Variants in DYM observed in about 807,000 individuals in gnomAD.
DYM encodes the protein dymeclin, also known as dyggve-Melchior-Clausen syndrome protein.
A neutral mutation model predicts 93.1 loss-of-function variants in DYM; 78 were observed. That is an observed-to-expected ratio of 0.84 (90% CI 0.70 to 1.01). The LOEUF is 1.01. Among genes scored for constraint, DYM ranks in the 50% least tolerant of loss-of-function variants. The pLI is 0.00. For missense variants in DYM, 789 were observed against 845.0 expected, an observed-to-expected ratio of 0.93 and a Z score of 0.82; for synonymous variants, 321 against 319.7, an observed-to-expected ratio of 1.00 and a Z score of -0.04.
intron 16 of DYM, among the ~76,000 whole-genome samples, chr18:49,108,545 C>T (rs1362996196): frequency 6.6e-6 from 1 of 152,202 alleles, no homozygotes; most frequent in Non-Finnish European, 1.5e-5. Flanking sequence ...GCCATCTTGG[C>T]TCTTCTTACT....
intron 2 of DYM, among the ~76,000 whole-genome samples, chr18:49,414,110 G>A (rs1950226339): frequency 6.6e-6 from 1 of 151,960 alleles, no homozygotes; most frequent in South Asian, 2.1e-4. Flanking sequence ...ACAATACCCA[G>A]AGTAGTCAAA....
chr18:49,165,078 A>G (rs2087697686), intron 14 of DYM, among the ~76,000 whole-genome samples: 1 of 152,188 alleles, frequency 6.6e-6, no homozygotes, highest in Non-Finnish European at 1.5e-5. Context: ...AAGGATACAA[A>G]AAAGACATAC....
At chr18:49,437,395 AT>A (rs1241223644) in intron 1 of DYM, among the ~76,000 whole-genome samples, 1 of 152,144 alleles carries the variant, frequency 6.6e-6, no homozygotes, top group African/African-American at 2.4e-5. Flanking sequence ...CCATTTTATA[AT>A]TTCTCAAATA....
chr18:49,316,818 C>G (rs1212369143), intron 8 of DYM, among the ~76,000 whole-genome samples: 1 of 152,100 alleles, frequency 6.6e-6, no homozygotes, highest in East Asian at 1.9e-4. Flanking sequence ...ACAGTATAGA[C>G]AGCCTCTTCA....
At chr18:49,383,347 C>T (rs188969798) in intron 3 of DYM, among the ~76,000 whole-genome samples, 5 of 152,072 alleles carry the variant, frequency 3.3e-5, no homozygotes, top group African/African-American at 9.6e-5. Flanking sequence ...CAGCAGCATA[C>T]GGTGGAGGGA....
chr18:49,160,194 C>T lies in DYM; in HGVS notation c.1728+3491G>A, dbSNP rs575309103. On this transcript the variant is annotated intron_variant, in intron 15 of 17. Transcript: ENST00000675505. ...CTGCCCCTGTAGTGGCATTCTCTCC[C>T]CCCACAGGCTTGAGTACAATTTTTG... Among the ~76,000 whole-genome samples the T allele has an allele frequency of 2.6e-5, 4 of 152,260 alleles. No individual in the cohort carries two copies. The South Asian group carries it at 8.3e-4, about 32-fold the overall frequency.
intron 1 of DYM, among the ~76,000 whole-genome samples, chr18:49,451,300 A>G (rs1364728486): frequency 6.6e-6 from 1 of 152,202 alleles, no homozygotes; most frequent in Non-Finnish European, 1.5e-5. Context: ...TTCTTTTTCA[A>G]CAGGACACAA....
At chr18:49,047,644 C>T (rs746344779) in intron 17 of DYM, among the ~76,000 whole-genome samples, 77 of 152,342 alleles carry the variant, frequency 5.1e-4, no homozygotes, top group Non-Finnish European at 8.1e-4. Flanking sequence ...TGTTCCCTAA[C>T]TGCTGGTGGG....
intron 17 of DYM, among the ~76,000 whole-genome samples, chr18:49,046,546 A>AACACACACAG (rs113396005): frequency 0.035 from 5,232 of 151,638 alleles, 262 homozygotes; most frequent in African/African-American, 0.11. Context: ...ACACAGACAC[A>AACACACACAG]ACACACACAG....
At chr18:49,298,251 C>T (rs1365431735) in intron 8 of DYM, among the ~76,000 whole-genome samples, 3 of 152,250 alleles carry the variant, frequency 2.0e-5, no homozygotes, top group East Asian at 1.9e-4. Context: ...ACTCATAGCA[C>T]AGTAAAACTT....
chr18:49,233,997 C>T (rs1268555848), intron 13 of DYM, among the ~76,000 whole-genome samples: 11 of 151,926 alleles, frequency 7.2e-5, no homozygotes, highest in African/African-American at 1.9e-4. Flanking sequence ...GGCATGGTAG[C>T]GGGCGCCTGT....
At chr18:49,385,064 A>G (rs1005015594) in intron 3 of DYM, among the ~76,000 whole-genome samples, 1 of 152,000 alleles carries the variant, frequency 6.6e-6, no homozygotes, top group African/African-American at 2.4e-5. Context: ...AGTCTCATGA[A>G]CAAAAAGAAA....
At chr18:49,405,055 T>G (rs2071318890) in intron 2 of DYM, among the ~76,000 whole-genome samples, 1 of 151,820 alleles carries the variant, frequency 6.6e-6, no homozygotes, top group Non-Finnish European at 1.5e-5. Flanking sequence ...AAAAGAAAAT[T>G]GTCCATTCAT....
intron 11 of DYM, among the ~76,000 whole-genome samples, chr18:49,264,785 G>T (rs191900196): frequency 6.6e-6 from 1 of 152,172 alleles, no homozygotes; most frequent in African/African-American, 2.4e-5. Flanking sequence ...GGTAGAAATT[G>T]TGAAATCACA....
intron 17 of DYM, among the ~76,000 whole-genome samples, chr18:49,075,374 T>A (rs780823296): frequency 7.2e-5 from 11 of 152,166 alleles, no homozygotes; most frequent in Non-Finnish European, 1.3e-4. Flanking sequence ...TCCTGAATAC[T>A]GCTGTGGGAT....
At chr18:49,044,501 C>T (rs536598174) in intron 17 of DYM, among the ~76,000 whole-genome samples, 2 of 152,360 alleles carry the variant, frequency 1.3e-5, no homozygotes, top group South Asian at 4.1e-4. Flanking sequence ...TGAGAAATAT[C>T]CTAGCTGAGA....
At chr18:49,371,772 TA>T in intron 5 of DYM, among the ~76,000 whole-genome samples, 1 of 152,254 alleles carries the variant, frequency 6.6e-6, no homozygotes, top group African/African-American at 2.4e-5. Context: ...ACGCATGGAC[TA>T]ATGGAAGAGC....
intron 8 of DYM, among the ~76,000 whole-genome samples, chr18:49,293,029 A>C (rs1207490266): frequency 6.6e-6 from 1 of 151,654 alleles, no homozygotes. Flanking sequence ...CCCTGTGTCC[A>C]TGTGTTCTCA....
chr18:49,120,065 C>T (rs1183352038), intron 15 of DYM, among the ~76,000 whole-genome samples: 92 of 133,184 alleles, frequency 6.9e-4, no homozygotes, highest in African/African-American at 2.2e-3. Context: ...AGTGACAGAG[C>T]CAGATCCTGT....
Sources: gnomAD v4.1 joint callset for allele counts (sites outside exome capture counted in the v4.1 genomes callset) on GRCh38, gnomAD v4.1.1 for gene constraint, MANE v1.5 for transcripts, NCBI Gene and HGNC (gene_info 2026-07-23, HGNC 2026-07-21) for gene names.